Variants in CDH3 observed in about 807,000 individuals in gnomAD.
CDH3 encodes the protein cadherin-3.
A neutral mutation model predicts 82.0 loss-of-function variants in CDH3; 54 were observed. The ratio of observed to expected loss-of-function variants is 0.66; its 90% CI spans 0.53 to 0.83. The LOEUF (loss-of-function observed/expected upper bound fraction) is 0.83. Among genes scored for constraint, CDH3 ranks in the 40% least tolerant of loss-of-function variants. The pLI is 0.00. For synonymous variants in CDH3, 446 were observed against 437.9 expected, an observed-to-expected ratio of 1.02 and a Z score of -0.23; for missense variants, 1,054 against 1,084.6, an observed-to-expected ratio of 0.97 and a Z score of 0.40.
intron 2 of CDH3, chr16:68,651,155 T>A: frequency 2.1e-6 from 1 of 470,146 alleles, no homozygotes; most frequent in Non-Finnish European, 4.3e-6. Context: ...GAATTGTATA[T>A]CTGCCGGCCC....
intron 1 of CDH3, among the ~76,000 whole-genome samples, chr16:68,712,918 G>GTGAT (rs2152110293): frequency 6.6e-6 from 1 of 152,182 alleles, no homozygotes; most frequent in East Asian, 1.9e-4. Flanking sequence ...CTGACCTCAG[G>GTGAT]TGATCCACCC....
At chr16:68,697,114 A>G (rs1405541140) in intron 15 of CDH3, among the ~76,000 whole-genome samples, 1 of 151,728 alleles carries the variant, frequency 6.6e-6, no homozygotes, top group Non-Finnish European at 1.5e-5. Flanking sequence ...CACAAGGTCA[A>G]GAGATTGAGA....
intron 12 of CDH3, among the ~76,000 whole-genome samples, chr16:68,689,098 TAATC>T: frequency 6.6e-6 from 1 of 152,360 alleles, no homozygotes; most frequent in Middle Eastern, 3.4e-3. Flanking sequence ...TCAGGGAAAT[TAATC>T]TAGACTCTAC....
At chr16:68,721,229 C>CT (rs71148941) in intron 1 of CDH3, among the ~76,000 whole-genome samples, 61,574 of 114,142 alleles carry the variant, frequency 0.54, 17,277 homozygotes, top group Non-Finnish European at 0.58. Context: ...GCAGTTTAGT[C>CT]TTTTTTTTTT....
chr16:68,665,079 A>G lies in CDH3; in HGVS notation c.161-11306A>G, dbSNP rs905085307. Among the ~76,000 whole-genome samples, 4 of 152,032 alleles carry G rather than the reference A, an allele frequency of 2.6e-5. 1 individual carries two copies. The East Asian group carries it at 7.7e-4, about 29-fold the overall frequency. ...GTCCTTCTGTGTTGCTTTTTAAATC[A>G]CTGCCCCTGGTTTTTAATACTTTAT... On this transcript the variant is annotated intron_variant, in intron 2 of 15. Coordinates refer to ENST00000264012, the MANE Select transcript of CDH3 (RefSeq NM_001793.6).
downstream of CDH3, among the ~76,000 whole-genome samples, chr16:68,702,230 C>T (rs1961906193): frequency 6.6e-6 from 1 of 152,034 alleles, no homozygotes; most frequent in South Asian, 2.1e-4. Flanking sequence ...CATAACATGG[C>T]ATATTGACTT....
chr16:68,683,204 A>G (rs1961279278), intron 9 of CDH3, among the ~76,000 whole-genome samples: 1 of 152,236 alleles, frequency 6.6e-6, no homozygotes, highest in Non-Finnish European at 1.5e-5. Context: ...GAAATAATAT[A>G]TTTTAAAGAC....
intron 2 of CDH3, among the ~76,000 whole-genome samples, chr16:68,668,457 A>G (rs1341009557): frequency 6.6e-6 from 1 of 152,212 alleles, no homozygotes; most frequent in Non-Finnish European, 1.5e-5. Flanking sequence ...GCCAGGAAGC[A>G]TCTGGGAGGA....
chr16:68,682,230 G>T, intron 8 of CDH3, 72 bp from the exon 9 acceptor site: 6 of 1,497,560 alleles, frequency 4.0e-6, no homozygotes, highest in Non-Finnish European at 5.5e-6. Flanking sequence ...GAGGTTGGAT[G>T]GAGGCTTCTC....
At chr16:68,711,079 G>A (rs988324099) in intron 1 of CDH3, among the ~76,000 whole-genome samples, 4 of 151,490 alleles carry the variant, frequency 2.6e-5, no homozygotes, top group Non-Finnish European at 5.9e-5. Context: ...GGGAGGCCAA[G>A]GTGGACGGAT....
chr16:68,657,396 C>A (rs1267975713), intron 2 of CDH3, among the ~76,000 whole-genome samples: 1 of 152,270 alleles, frequency 6.6e-6, no homozygotes, highest in Non-Finnish European at 1.5e-5. Flanking sequence ...TGCCTGTAAT[C>A]CCAGCTACTC....
intron 2 of CDH3, among the ~76,000 whole-genome samples, chr16:68,654,909 G>A (rs967567940): frequency 5.9e-5 from 9 of 151,720 alleles, no homozygotes; most frequent in Admixed American, 2.6e-4. Context: ...GGTGGTGTGC[G>A]CCTGTAATCC....
At chr16:68,664,886 G>A (rs976694530) in intron 2 of CDH3, among the ~76,000 whole-genome samples, 2 of 151,996 alleles carry the variant, frequency 1.3e-5, no homozygotes, top group Non-Finnish European at 2.9e-5. Flanking sequence ...CTGGACTTAA[G>A]TGACCCACCC....
At position 68,691,256 on chromosome 16, in the gene CDH3, G is replaced by A. The variant is rs1381348027; in HGVS notation, c.1796-464G>A. On this transcript the variant is annotated intron_variant, in intron 12 of 15. Transcript: ENST00000264012. The stretch of plus-strand genomic sequence containing the variant: ...CTTGACCTCGTGATCTGCCCACTTC[G>A]GCCTCTCAAAGTGCCGGGATTGCAG... 3.3e-5 allele frequency among the ~76,000 whole-genome samples: 5 copies of A among 151,966 alleles called. No individual in the cohort carries two copies. In the East Asian group the frequency reaches 9.7e-4, roughly 30 times the overall value.
intron 2 of CDH3, chr16:68,645,984 A>AC (rs1235466823): frequency 2.4e-5 from 13 of 536,402 alleles, no homozygotes; most frequent in East Asian, 1.9e-4. Context: ...GCTTACCTTG[A>AC]CCCCCTCCTC....
chr16:68,645,453 C>G, intron 1 of CDH3, 29 bp downstream of exon 1: 1 of 1,611,128 alleles, frequency 6.2e-7, no homozygotes, highest in Non-Finnish European at 8.5e-7. Flanking sequence ...GTGGCCCCGA[C>G]CGGGACCGCT....
At position 68,645,323 on chromosome 16, in the gene CDH3, C is replaced by G. The variant is rs1960010256; in HGVS notation, c.-57C>G. 1 of 1,576,618 alleles carries G rather than the reference C, an allele frequency of 6.3e-7. No individual in the cohort carries two copies. Among genetic ancestry groups the G allele is most frequent in the East Asian group, 2.3e-5 (1 of 44,220 alleles). On this transcript the variant is annotated 5_prime_UTR_variant, in exon 1 of 16. Coordinates refer to ENST00000264012, the MANE Select transcript of CDH3 (RefSeq NM_001793.6). The stretch of plus-strand genomic sequence containing the variant: ...GCTGCGGTGCTCAAAGGGGCAAGAG[C>G]TGAGCGGAACACCGGCCCGCCGTCG...
intron 1 of CDH3, among the ~76,000 whole-genome samples, chr16:68,712,242 A>T (rs1229551486): frequency 1.3e-5 from 2 of 151,488 alleles, no homozygotes; most frequent in Non-Finnish European, 2.9e-5. Context: ...TCTCCATGTT[A>T]TCCAGGCTGG....
chr16:68,669,969 G>A (rs2152096244), intron 2 of CDH3, among the ~76,000 whole-genome samples: 1 of 152,062 alleles, frequency 6.6e-6, no homozygotes, highest in East Asian at 1.9e-4. Context: ...AAATAAAAGT[G>A]ACCTTTAGTC....
Sources: allele counts gnomAD v4.1 joint callset (sites outside exome capture counted in the v4.1 genomes callset), GRCh38; gene constraint gnomAD v4.1.1; transcripts MANE v1.5; gene names NCBI Gene and HGNC (gene_info 2026-07-23, HGNC 2026-07-21).